Variants in LRRC36 observed in about 807,000 individuals in gnomAD.
The protein encoded by LRRC36 is leucine rich repeat containing 36.
Under a neutral mutation model 81.1 loss-of-function variants are expected in LRRC36, and 62 were observed. The ratio of observed to expected loss-of-function variants is 0.76; its 90% confidence interval spans 0.62 to 0.94. The LOEUF (loss-of-function observed/expected upper bound fraction) is 0.94, where lower values mean the gene tolerates loss of function less well. Among genes scored for constraint, LRRC36 ranks in the 40% least tolerant of loss-of-function variants. LRRC36 has a pLI of 0.00. For missense variants in LRRC36, 761 were observed against 881.7 expected (o/e 0.86, Z 1.73); for synonymous variants, 334 against 348.6 (o/e 0.96, Z 0.47).
rs538940268 is a variant in LRRC36 at position 67,378,697 on chromosome 16, C to T, written c.1915C>T (p.Gln639Ter). Residue 639 changes from glutamine (Q) to a stop codon, truncating the protein, a stop_gained, in exon 12 of 14, where the codon CAG (glutamine) becomes TAG (stop). Coordinates refer to ENST00000329956, the MANE Select transcript of LRRC36 (RefSeq NM_018296.6). LOFTEE classifies it high-confidence loss of function. ...GAAISIVSGQ[Q>*]SHTYDDLLHK... ...TGCCATCTCAATTGTGAGTGGGCAACAGTCACATACTTATGGTAAGTTGAG... is the reference window on the plus strand; with the variant it reads ...TGCCATCTCAATTGTGAGTGGGCAATAGTCACATACTTATGGTAAGTTGAG... 6.2e-7 allele frequency: 1 copy of T among 1,613,928 alleles called. No individual in the cohort carries two copies. The highest frequency in any genetic ancestry group is 2.2e-5 in the East Asian group (1 of 44,872).
intron 5 of LRRC36, among the ~76,000 whole-genome samples, chr16:67,360,918 A>G (rs2039114727): frequency 6.6e-6 from 1 of 151,424 alleles, no homozygotes; most frequent in African/African-American, 2.5e-5. Flanking sequence ...CTTAAACAAA[A>G]GCAAAACTCT....
intron 5 of LRRC36, among the ~76,000 whole-genome samples, chr16:67,350,649 C>A (rs530212920): frequency 1.3e-5 from 2 of 152,322 alleles, no homozygotes; most frequent in South Asian, 2.1e-4. Context: ...CAACCAAGAA[C>A]CTTTGCAGCT....
intron 12 of LRRC36, among the ~76,000 whole-genome samples, chr16:67,380,031 C>A (rs1217581642): frequency 6.6e-6 from 1 of 152,050 alleles, no homozygotes; most frequent in Non-Finnish European, 1.5e-5. Context: ...TATTTCTAAA[C>A]ATTCAAAAGA....
At chr16:67,360,276 T>C (rs775967352) in intron 5 of LRRC36, among the ~76,000 whole-genome samples, 32 of 152,158 alleles carry the variant, frequency 2.1e-4, no homozygotes, top group Admixed American at 6.6e-4. Flanking sequence ...AAGTGATAGC[T>C]AAAACCCAGG....
intron 7 of LRRC36, among the ~76,000 whole-genome samples, chr16:67,365,643 G>A (rs2039350982): frequency 6.6e-6 from 1 of 151,566 alleles, no homozygotes. Context: ...TCATCCATTT[G>A]TTTCTCTCTA....
chr16:67,351,663 C>G (rs1242591997), intron 5 of LRRC36, among the ~76,000 whole-genome samples: 1 of 152,120 alleles, frequency 6.6e-6, no homozygotes, highest in South Asian at 2.1e-4. Flanking sequence ...GCCCAGATTG[C>G]GCCACTGCAC....
At chr16:67,326,999 G>A in intron 1 of LRRC36, 67 bp downstream of exon 1, 1 of 1,415,184 alleles carries the variant, frequency 7.1e-7, no homozygotes, top group Non-Finnish European at 9.2e-7. Context: ...GAAAACTGAA[G>A]TGGAAGGCGG....
chr16:67,350,030 G>T (rs1287975737), intron 4 of LRRC36, among the ~76,000 whole-genome samples, 172 bp from the exon 5 acceptor site: 2 of 152,096 alleles, frequency 1.3e-5, no homozygotes, highest in Non-Finnish European at 1.5e-5. Context: ...CAAAGTGCTG[G>T]GATTACAGGG....
Position 67,326,843 on chromosome 16 carries a change from C to A in LRRC36, c.-20C>A. Reference sequence around the variant, plus strand: ...CGCCGGGTGGTCTCGCGGGCGGTGGCAGGTGAGCGGCGGGCGGGGATGGCG... The same window carrying A: ...CGCCGGGTGGTCTCGCGGGCGGTGGAAGGTGAGCGGCGGGCGGGGATGGCG... On this transcript the variant is annotated 5_prime_UTR_variant, in exon 1 of 14. Transcript: ENST00000329956. The A allele has an allele frequency of 7.0e-7, 1 of 1,421,084 alleles. No individual in the cohort carries two copies. Among genetic ancestry groups the A allele is most frequent in the South Asian group, 1.6e-5 (1 of 63,520 alleles). The allele number at this position is 1,421,084 out of a possible 1,614,324, so 88.0% of individuals were successfully genotyped here. A position where few individuals can be genotyped will look rare whatever the true frequency, so the allele number is the denominator to read the frequency against.
chr16:67,337,515 G>A (rs1036765034), intron 1 of LRRC36, among the ~76,000 whole-genome samples: 23 of 151,090 alleles, frequency 1.5e-4, no homozygotes, highest in Non-Finnish European at 7.4e-5. Flanking sequence ...GTGCCACTAG[G>A]CCAAGATAAT....
chr16:67,380,314 C>T (rs114297288), intron 12 of LRRC36, among the ~76,000 whole-genome samples: 4,071 of 152,256 alleles, frequency 0.027, 92 homozygotes, highest in South Asian at 0.063. Flanking sequence ...TCAGTTTACT[C>T]CCACCTCAGC....
chr16:67,368,497 A>G (rs754505878), intron 8 of LRRC36, among the ~76,000 whole-genome samples: 12 of 152,192 alleles, frequency 7.9e-5, no homozygotes, highest in Non-Finnish European at 1.5e-4. Flanking sequence ...AATAAATGCA[A>G]AAGTCCTGAG....
Position 67,375,347 on chromosome 16 carries a change from T to C in LRRC36, c.1595T>C (p.Leu532Pro). 1 of 1,611,304 alleles carries C rather than the reference T, an allele frequency of 6.2e-7. No homozygotes were observed. The highest frequency in any genetic ancestry group is 8.5e-7 in the Non-Finnish European group (1 of 1,179,332). ...TPHVATVLRQ[L>P]LELVDKHWNG... ...CATGTGGCCACTGTCCTCAGACAGC[T>C]CCTGGAGCTTGTGGATAAGCACTGG... The change falls in exon 10 of 14, where the codon CTC (leucine) becomes CCC (proline). Residue 532 changes from leucine to proline, a missense_variant. This residue lies in a region of LRRC36 where 359 missense variants were observed against 388.4 expected (regional missense o/e 0.92). Transcript: ENST00000329956.
At chr16:67,370,912 C>A (rs1277042420) in intron 8 of LRRC36, 32 bp from the exon 9 acceptor site, 3 of 1,585,230 alleles carry the variant, frequency 1.9e-6, no homozygotes, top group Non-Finnish European at 2.6e-6. Flanking sequence ...AGTCAGAGGG[C>A]AGGTTCATCT....
intron 5 of LRRC36, among the ~76,000 whole-genome samples, chr16:67,352,795 A>G (rs2038715032): frequency 6.6e-6 from 1 of 151,684 alleles, no homozygotes; most frequent in African/African-American, 2.4e-5. Context: ...CTCCCAGTTC[A>G]TCCTCCTGAG....
At chr16:67,366,145 CT>C (rs145767083) in intron 7 of LRRC36, among the ~76,000 whole-genome samples, 1 of 149,398 alleles carries the variant, frequency 6.7e-6, no homozygotes. Context: ...TTCCTTCTCT[CT>C]TTTTTTTTAA....
At chr16:67,340,363 T>C (rs1011318125) in intron 1 of LRRC36, among the ~76,000 whole-genome samples, 2 of 151,806 alleles carry the variant, frequency 1.3e-5, no homozygotes, top group African/African-American at 4.8e-5. Flanking sequence ...GGACTGTTAA[T>C]AGTCTAGTTG....
chr16:67,336,151 G>A (rs2142589601), intron 1 of LRRC36, among the ~76,000 whole-genome samples: 1 of 152,294 alleles, frequency 6.6e-6, no homozygotes, highest in South Asian at 2.1e-4. Context: ...GCTCCTCCAT[G>A]TCTTTCCGTG....
intron 1 of LRRC36, among the ~76,000 whole-genome samples, chr16:67,330,708 A>C (rs567975710): frequency 6.6e-6 from 1 of 151,884 alleles, no homozygotes; most frequent in South Asian, 2.1e-4. Context: ...CTAAAAATAC[A>C]AAAAAAATTA....
Sources: allele counts gnomAD v4.1 joint callset (sites outside exome capture counted in the v4.1 genomes callset), GRCh38; gene constraint gnomAD v4.1.1; regional missense constraint gnomAD v4.1.1; transcripts MANE v1.5; gene names NCBI Gene and HGNC (gene_info 2026-07-23, HGNC 2026-07-21).